ABCG1: variants seen among roughly 807,000 people sequenced by gnomAD.
ABCG1 encodes ATP-binding cassette sub-family G member 1.
In ABCG1, 29 loss-of-function variants were observed where a neutral mutation model predicts 69.2. The observed-to-expected ratio is 0.42, with a 90% CI of 0.31 to 0.57. The LOEUF (loss-of-function observed/expected upper bound fraction) is 0.57. Ranked by LOEUF, ABCG1 falls within the 20% of genes least tolerant of loss-of-function variation. The probability of loss-of-function intolerance (pLI) is 0.15; values close to 1 mark genes in which losing one functional copy is unlikely to be tolerated. For missense variants in ABCG1, 718 were observed against 898.1 expected (o/e 0.80, Z 2.56); for synonymous variants, 370 against 374.8 (o/e 0.99, Z 0.15).
upstream of ABCG1, among the ~76,000 whole-genome samples, chr21:42,216,931 C>A (rs986183549): frequency 6.6e-6 from 1 of 152,158 alleles, no homozygotes; most frequent in African/African-American, 2.4e-5. Context: ...GGGATTTTGA[C>A]CCCACTGTAC....
intron 2 of ABCG1, among the ~76,000 whole-genome samples, chr21:42,239,464 G>A (rs2068020009): frequency 6.6e-6 from 1 of 152,242 alleles, no homozygotes; most frequent in Admixed American, 6.5e-5. Context: ...AGAAATGAAA[G>A]GGAAAGAGCA....
intron 1 of ABCG1, among the ~76,000 whole-genome samples, chr21:42,224,652 T>G (rs1290794074): frequency 6.6e-6 from 1 of 151,974 alleles, no homozygotes; most frequent in Non-Finnish European, 1.5e-5. Context: ...CTGGAAGGGG[T>G]GTGTGTGTGC....
intron 1 of ABCG1, among the ~76,000 whole-genome samples, chr21:42,224,083 G>C (rs1414491602): frequency 6.6e-6 from 1 of 152,204 alleles, no homozygotes; most frequent in Non-Finnish European, 1.5e-5. Context: ...AGCAGGATTG[G>C]GTAGAACCCA....
intron 2 of ABCG1, among the ~76,000 whole-genome samples, chr21:42,203,023 T>C (rs1353445406): frequency 1.3e-5 from 2 of 152,098 alleles, no homozygotes; most frequent in African/African-American, 4.8e-5. Flanking sequence ...CACTCAAAGA[T>C]ACAAAGCAAA....
At chr21:42,222,736 A>C (rs2067749998) in intron 1 of ABCG1, among the ~76,000 whole-genome samples, 4 of 152,226 alleles carry the variant, frequency 2.6e-5, no homozygotes, top group Admixed American at 2.0e-4. Flanking sequence ...TATAGGTTAG[A>C]GTTTAATAGT....
At position 42,210,716 on chromosome 21, in the gene ABCG1, C is replaced by G. The variant is rs146549041; in HGVS notation, c.48+8993C>G. On this transcript the variant is annotated intron_variant, in intron 2 of 15. Coordinates refer to the ABCG1 transcript ENST00000398457. ...ATAGCTTCCAGGCATCTGCCGCCCCCCTCCCTCCACCCTGCACCTCCCTGC... is the reference window on the plus strand; with the variant it reads ...ATAGCTTCCAGGCATCTGCCGCCCCGCTCCCTCCACCCTGCACCTCCCTGC... Among the ~76,000 whole-genome samples the G allele has an allele frequency of 3.2e-3, 472 of 145,504 alleles. 3 individuals carry two copies. The highest frequency in any genetic ancestry group is 0.012 in the African/African-American group (445 of 37,748).
chr21:42,291,780 C>T lies in ABCG1; in HGVS notation c.1653+124C>T, dbSNP rs1261581123. 24 of 1,189,786 alleles carry T rather than the reference C, an allele frequency of 2.0e-5. No homozygotes were observed. Among genetic ancestry groups the T allele is most frequent in the East Asian group, 7.9e-5 (3 of 37,822 alleles). The allele number at this position is 1,189,786 out of a possible 1,614,324, so 73.7% of individuals were successfully genotyped here. ...CTGCCCTGACCCTCCTAGATGGGGT[C>T]GTTCCCACGGGAAGGGCCCGCATTG... On this transcript the variant is annotated intron_variant, in intron 13 of 14. Coordinates refer to ENST00000398449, the MANE Select transcript of ABCG1 (RefSeq NM_016818.3). The surrounding 1 kb of genome is among the most constrained non-coding windows in gnomAD (Gnocchi z 6.4).
chr21:42,240,904 CG>C (rs2068041790), intron 2 of ABCG1, among the ~76,000 whole-genome samples: 1 of 152,252 alleles, frequency 6.6e-6, no homozygotes, highest in South Asian at 2.1e-4. Context: ...GTGACCAGCA[CG>C]GGCCACGCTT....
intron 2 of ABCG1, among the ~76,000 whole-genome samples, chr21:42,268,562 A>T (rs986635381): frequency 2.6e-5 from 4 of 152,160 alleles, no homozygotes; most frequent in Admixed American, 6.5e-5. Context: ...TTCCAGAGCC[A>T]CTTTTAAGAT....
intron 2 of ABCG1, among the ~76,000 whole-genome samples, chr21:42,209,742 AT>A (rs1243225397): frequency 6.6e-6 from 1 of 152,248 alleles, no homozygotes; most frequent in Non-Finnish European, 1.5e-5. Flanking sequence ...GAGCACCAGC[AT>A]TTATAAGATG....
At chr21:42,223,630 TG>T (rs1451429587) in intron 1 of ABCG1, among the ~76,000 whole-genome samples, 1 of 152,240 alleles carries the variant, frequency 6.6e-6, no homozygotes, top group Non-Finnish European at 1.5e-5. Flanking sequence ...CCTGTTTTCT[TG>T]CCTGGGGCCA....
rs145701469 is a variant in ABCG1, at chr21:42,294,644, T to C, written c.1756T>C (p.Tyr586His). ...CCCCACGTACCTACAGTGGATGTCC[T>C]ACATCTCCTATGTCAGGTAGCGGGC... ...TIPTYLQWMS[Y>H]ISYVRYGFEG... Residue 586 changes from tyrosine to histidine, a missense_variant, in exon 14 of 15, where the codon TAC becomes CAC. Tyr to His is a moderately conservative substitution (Grantham distance 83). Around this residue, in one of 2 missense-constraint regions of ABCG1, gnomAD observed 204 missense variants for 323.8 expected, o/e 0.63. Transcript: ENST00000398449. 8.1e-6 allele frequency: 13 copies of C among 1,613,888 alleles called. No homozygotes were observed. The highest frequency in any genetic ancestry group is 1.0e-5 in the Non-Finnish European group (12 of 1,179,862).
chr21:42,236,477 C>T (rs576043254), intron 2 of ABCG1, among the ~76,000 whole-genome samples: 6 of 152,290 alleles, frequency 3.9e-5, no homozygotes, highest in East Asian at 3.9e-4. Flanking sequence ...TCTAGACACC[C>T]GGCGGGACTA....
chr21:42,262,718 G>C (rs1384457306), intron 2 of ABCG1, among the ~76,000 whole-genome samples: 1 of 152,222 alleles, frequency 6.6e-6, no homozygotes, highest in Non-Finnish European at 1.5e-5. Context: ...TCCGGGTTTG[G>C]CAGAAGGGGT....
Position 42,296,623 on chromosome 21 carries a change from G to GTT in ABCG1, c.*231_*232insTT, listed in dbSNP as rs1569245294. 9.2e-5 allele frequency: 41 copies of GTT among 443,912 alleles called. No homozygotes were observed. The highest frequency in any genetic ancestry group is 2.4e-4 in the Admixed American group (6 of 24,722). 27.5% of individuals were successfully genotyped at this position (443,912 alleles called of 1,614,324 possible). On this transcript the variant is annotated 3_prime_UTR_variant, in exon 15 of 15. Coordinates refer to ENST00000398449, the MANE Select transcript of ABCG1 (RefSeq NM_016818.3). This position sits in a 1 kb window ranked among gnomAD's most constrained non-coding sequence, Gnocchi z 5.4. ...ACTAGGAAGATGTAGGCAGATTGGT[G>GTT]GTTTTTTTTTTTTTAACATACAGAA...
rs368773112 is a variant in ABCG1, at chr21:42,291,603, C to T, written c.1600C>T (p.Leu534=). 6.2e-7 allele frequency: 1 copy of T among 1,610,458 alleles called. No homozygotes were observed. The highest frequency in any genetic ancestry group is 8.5e-7 in the Non-Finnish European group (1 of 1,179,890). ...TGCCGCGCTGGGCACCATGACCTCC[C>T]TGGTGGCACAGTCCCTGGGCCTGCT... The part of the protein sequence containing the change: ...LFAALGTMTS[L]VAQSLGLLIG... Residue 534 remains leucine (L), a synonymous_variant, in exon 13 of 15, where the codon CTG becomes TTG. Transcript: ENST00000398449. The surrounding 1 kb of genome is among the most constrained non-coding windows in gnomAD (Gnocchi z 6.4).
Position 42,288,357 on chromosome 21 carries a change from T to C in ABCG1, c.1224+45T>C. 1.4e-6 allele frequency: 2 copies of C among 1,432,030 alleles called. No homozygotes were observed. Among genetic ancestry groups the C allele is most frequent in the Non-Finnish European group, 2.0e-6 (2 of 1,017,308 alleles). 88.7% of individuals were successfully genotyped at this position (1,432,030 alleles called of 1,614,324 possible). ...CTCCTGTAGCTGGGGAACCCGTGGG[T>C]CATTTTCTCAGACTCGTCCTGACGG... On this transcript the variant is annotated intron_variant, in intron 10 of 14. Coordinates refer to ENST00000398449, the MANE Select transcript of ABCG1 (RefSeq NM_016818.3). This position sits in a 1 kb window ranked among gnomAD's most constrained non-coding sequence, Gnocchi z 4.8.
At chr21:42,268,393 G>GCGCA (rs1201725502) in intron 2 of ABCG1, among the ~76,000 whole-genome samples, 3 of 116,072 alleles carry the variant, frequency 2.6e-5, no homozygotes, top group African/African-American at 9.0e-5. Context: ...GTGTGTGCGC[G>GCGCA]CGCGCGCTGG....
chr21:42,218,025 A>T (rs1320041025), upstream of ABCG1, among the ~76,000 whole-genome samples: 1 of 152,120 alleles, frequency 6.6e-6, no homozygotes, highest in Non-Finnish European at 1.5e-5. Flanking sequence ...ACTTAAACTC[A>T]TAACCGTGTC....
Sources: allele counts gnomAD v4.1 joint callset (sites outside exome capture counted in the v4.1 genomes callset), GRCh38; gene constraint gnomAD v4.1.1; regional missense constraint gnomAD v4.1.1; non-coding constraint Gnocchi (gnomAD v3.1); transcripts MANE v1.5; gene names NCBI Gene and HGNC (gene_info 2026-07-23, HGNC 2026-07-21).